ATXN2: variants seen among roughly 807,000 people sequenced by gnomAD.
ATXN2 encodes the protein ataxin-2.
ATXN2 carries 37 observed loss-of-function variants against 138.6 expected under a neutral mutation model. That is an observed-to-expected ratio of 0.27 (90% CI 0.21 to 0.35). The LOEUF is 0.35. ATXN2 is among the 10% of genes least tolerant of loss of function. The probability of loss-of-function intolerance (pLI) is 1.00; values close to 1 mark genes in which losing one functional copy is unlikely to be tolerated. For synonymous variants in ATXN2, 549 were observed against 543.7 expected, an observed-to-expected ratio of 1.01 and a Z score of -0.13; for missense variants, 1,216 against 1,480.3, an observed-to-expected ratio of 0.82 and a Z score of 2.93.
chr12:111,576,716 T>C (rs1486668664), intron 1 of ATXN2, among the ~76,000 whole-genome samples: 4 of 151,476 alleles, frequency 2.6e-5, no homozygotes, highest in Non-Finnish European at 5.9e-5. Flanking sequence ...TCCCAGAACT[T>C]TGGGAGGCCG....
intron 14 of ATXN2, among the ~76,000 whole-genome samples, chr12:111,508,289 A>T (rs963973975): frequency 4.0e-5 from 5 of 123,986 alleles, no homozygotes; most frequent in African/African-American, 3.3e-4. Context: ...GGAAGGAAAC[A>T]GGGGGAAGCA....
At chr12:111,582,890 G>A (rs536872449) in intron 1 of ATXN2, among the ~76,000 whole-genome samples, 2 of 151,704 alleles carry the variant, frequency 1.3e-5, no homozygotes, top group Admixed American at 6.6e-5. Flanking sequence ...GGACGGTCTC[G>A]ATCTCCTGAC....
At chr12:111,587,404 A>G (rs1041709275) in intron 1 of ATXN2, among the ~76,000 whole-genome samples, 1 of 152,166 alleles carries the variant, frequency 6.6e-6, no homozygotes, top group African/African-American at 2.4e-5. Context: ...TCACACATGT[A>G]ATTAAAGCAC....
At chr12:111,543,263 CTGTT>C (rs1157235138) in intron 5 of ATXN2, among the ~76,000 whole-genome samples, 1 of 152,128 alleles carries the variant, frequency 6.6e-6, no homozygotes, top group African/African-American at 2.4e-5. Flanking sequence ...GAAGAGATCC[CTGTT>C]TGTTACTCGT....
At chr12:111,588,692 A>T (rs1297471853) in intron 1 of ATXN2, among the ~76,000 whole-genome samples, 7 of 151,164 alleles carry the variant, frequency 4.6e-5, no homozygotes, top group Admixed American at 6.6e-5. Flanking sequence ...CCAGACTCAT[A>T]AAAAAAATAC....
At chr12:111,590,156 G>A (rs1484077070) in intron 1 of ATXN2, among the ~76,000 whole-genome samples, 1 of 149,932 alleles carries the variant, frequency 6.7e-6, no homozygotes, top group Non-Finnish European at 1.5e-5. Flanking sequence ...GGAGGTTACA[G>A]TGAGCCGAGA....
chr12:111,509,908 G>A lies in ATXN2; in HGVS notation c.1847C>T (p.Ser616Leu), dbSNP rs202014945. ...ACTCTAACCTTTGTTTTCAGCTTTT[G>A]AGAAGCTAGGTGATGTTTCATTGGG... ...IKPNETSPSFSKAENKGISPV... is the reference protein window; with the variant it reads ...IKPNETSPSFLKAENKGISPV... Residue 616 changes from serine to leucine, a missense_variant, in exon 13 of 25, where the codon TCA (serine) becomes TTA (leucine). Transcript: ENST00000673436. 11 of 1,610,686 alleles carry A rather than the reference G, an allele frequency of 6.8e-6. No individual in the cohort carries two copies. Among genetic ancestry groups the A allele is most frequent in the East Asian group, 6.7e-5 (3 of 44,728 alleles).
chr12:111,536,784 T>TG (rs2135762862), intron 5 of ATXN2, among the ~76,000 whole-genome samples: 1 of 145,874 alleles, frequency 6.9e-6, no homozygotes, highest in South Asian at 2.3e-4. Flanking sequence ...GCAGTTTTTT[T>TG]TTTTTTTTTT....
chr12:111,500,629 C>CT (rs1878704852), intron 14 of ATXN2, among the ~76,000 whole-genome samples: 1 of 152,198 alleles, frequency 6.6e-6, no homozygotes, highest in South Asian at 2.1e-4. Flanking sequence ...AACCCCAGCA[C>CT]TTTGGGAGGC....
At chr12:111,517,547 G>C (rs1048833713) in intron 9 of ATXN2, among the ~76,000 whole-genome samples, 3 of 152,018 alleles carry the variant, frequency 2.0e-5, no homozygotes, top group Non-Finnish European at 4.4e-5. Context: ...ACCATCCATA[G>C]AACTGTTGTT....
chr12:111,489,270 G>T (rs1035731190), intron 14 of ATXN2, among the ~76,000 whole-genome samples: 1 of 152,150 alleles, frequency 6.6e-6, no homozygotes, highest in Non-Finnish European at 1.5e-5. Flanking sequence ...GGAAGAGTAT[G>T]TTTAAAAATC....
chr12:111,566,518 T>G (rs760396822), intron 1 of ATXN2, among the ~76,000 whole-genome samples: 1 of 150,800 alleles, frequency 6.6e-6, no homozygotes, highest in Non-Finnish European at 1.5e-5. Flanking sequence ...GATGGCAAAA[T>G]AAATTGAAAA....
rs371043795 is a variant in ATXN2 at position 111,513,388 on chromosome 12, C to T, written c.1527G>A (p.Ser509=). Residue 509 remains serine (S), a synonymous_variant, in exon 11 of 25, where the codon TCG becomes TCA. Transcript: ENST00000673436. The part of the protein sequence containing the change: ...ATPPVARTSP[S]GGTWSSVVSG... ...TGACCACTGATGACCACGTTCCCCC[C>T]GAGGGACTGGTCCTTGCTACTGGAG... The T allele has an allele frequency of 3.1e-6, 5 of 1,613,832 alleles. No individual in the cohort carries two copies. Among genetic ancestry groups the T allele is most frequent in the Non-Finnish European group, 3.4e-6 (4 of 1,179,968 alleles).
intron 23 of ATXN2, 180 bp downstream of exon 23, chr12:111,455,849 C>G: frequency 1.5e-6 from 1 of 688,202 alleles, no homozygotes; most frequent in South Asian, 1.7e-5. Context: ...TTCACTGATC[C>G]CATGACAAAA....
At chr12:111,583,759 T>TC (rs1309815036) in intron 1 of ATXN2, among the ~76,000 whole-genome samples, 1 of 72,672 alleles carries the variant, frequency 1.4e-5, no homozygotes, top group Non-Finnish European at 2.3e-5. Flanking sequence ...ACAGCAAGAC[T>TC]CCGACTCAAA....
intron 1 of ATXN2, chr12:111,597,853 C>G: frequency 7.8e-7 from 1 of 1,287,598 alleles, no homozygotes; most frequent in Non-Finnish European, 1.0e-6. Flanking sequence ...GGTGCCCGCC[C>G]CCTGCCACCA....
chr12:111,455,530 A>G (rs1471607413), intron 23 of ATXN2: 1 of 271,730 alleles, frequency 3.7e-6, no homozygotes, highest in Non-Finnish European at 7.2e-6. Context: ...ACTTATGGTC[A>G]AAGCAGATAT....
chr12:111,597,901 C>T, intron 1 of ATXN2: 3 of 1,281,006 alleles, frequency 2.3e-6, no homozygotes, highest in Non-Finnish European at 3.0e-6. Context: ...CAGCCTGGGT[C>T]CAGCCCTCAC....
chr12:111,507,099 T>C (rs1467369093), intron 14 of ATXN2, among the ~76,000 whole-genome samples: 1 of 152,058 alleles, frequency 6.6e-6, no homozygotes, highest in Admixed American at 6.5e-5. Flanking sequence ...GTCTGGGAAG[T>C]GAGGAGCGTC....
Sources: gnomAD v4.1 joint callset for allele counts (sites outside exome capture counted in the v4.1 genomes callset) on GRCh38, gnomAD v4.1.1 for gene constraint, MANE v1.5 for transcripts, NCBI Gene and HGNC (gene_info 2026-07-23, HGNC 2026-07-21) for gene names.